PCDH15: variants seen among roughly 807,000 people sequenced by gnomAD.
PCDH15 encodes protocadherin-15.
PCDH15 carries 129 observed loss-of-function variants against 178.5 expected under a neutral mutation model. The observed-to-expected ratio is 0.72, with a 90% CI of 0.63 to 0.84. PCDH15 has a LOEUF of 0.84. Among genes scored for constraint, PCDH15 ranks in the 40% least tolerant of loss-of-function variants. The pLI is 0.00. For missense variants in PCDH15, 2,230 were observed against 2,099.9 expected, an observed-to-expected ratio of 1.06 and a Z score of -1.21; for synonymous variants, 800 against 732.0, an observed-to-expected ratio of 1.09 and a Z score of -1.50.
chr10:54,483,459 A>G (rs999687180), intron 3 of PCDH15, among the ~76,000 whole-genome samples: 3 of 151,852 alleles, frequency 2.0e-5, no homozygotes, highest in Non-Finnish European at 4.4e-5. Flanking sequence ...TTTTCATTTT[A>G]GGAATCTTCC....
intron 1 of PCDH15, among the ~76,000 whole-genome samples, chr10:55,287,591 G>A (rs1258978013): frequency 6.6e-6 from 1 of 151,942 alleles, no homozygotes; most frequent in East Asian, 1.9e-4. Flanking sequence ...AGTAAGCTTT[G>A]AGCACTATGC....
intron 2 of PCDH15, among the ~76,000 whole-genome samples, chr10:55,084,331 G>A (rs74971356): frequency 0.019 from 2,889 of 151,616 alleles, 108 homozygotes; most frequent in African/African-American, 0.065. Context: ...GGAGAGAACA[G>A]TCTCTTCAAA....
intron 2 of PCDH15, among the ~76,000 whole-genome samples, chr10:54,584,338 G>A (rs933376158): frequency 1.3e-5 from 2 of 152,070 alleles, no homozygotes; most frequent in African/African-American, 4.8e-5. Flanking sequence ...AGTCTGCAAG[G>A]CTGCAGTGAG....
At chr10:55,356,681 G>A (rs1454019567) in intron 2 of PCDH15, among the ~76,000 whole-genome samples, 5 of 151,776 alleles carry the variant, frequency 3.3e-5, no homozygotes, top group Non-Finnish European at 5.9e-5. Flanking sequence ...TATCTGGAAT[G>A]ATACTAAATA....
intron 2 of PCDH15, among the ~76,000 whole-genome samples, chr10:55,324,901 A>T (rs986136933): frequency 2.0e-5 from 3 of 152,206 alleles, no homozygotes; most frequent in African/African-American, 4.8e-5. Flanking sequence ...ATGTGCAAAA[A>T]TTAGCAGCAT....
chr10:54,255,007 T>C (rs1289273575), intron 8 of PCDH15, among the ~76,000 whole-genome samples: 2 of 152,224 alleles, frequency 1.3e-5, no homozygotes, highest in Non-Finnish European at 2.9e-5. Flanking sequence ...TTTAAAAGTG[T>C]AGGTACCATC....
chr10:53,952,588 G>A (rs1184399942), intron 23 of PCDH15, among the ~76,000 whole-genome samples: 1 of 152,202 alleles, frequency 6.6e-6, no homozygotes. Context: ...CTCCAGTCCA[G>A]GGAACTGGCA....
chr10:54,793,584 A>G (rs565688544), intron 1 of PCDH15, among the ~76,000 whole-genome samples: 1 of 151,614 alleles, frequency 6.6e-6, no homozygotes, highest in South Asian at 2.1e-4. Context: ...AGAAAAATAA[A>G]AAATTAGAAA....
At chr10:55,053,618 GTTTGAA>G (rs1366518271) in intron 2 of PCDH15, among the ~76,000 whole-genome samples, 2 of 152,136 alleles carry the variant, frequency 1.3e-5, no homozygotes, top group Non-Finnish European at 2.9e-5. Context: ...GCTTTGTATT[GTTTGAA>G]TTTGAATTCT....
intron 2 of PCDH15, among the ~76,000 whole-genome samples, chr10:55,519,884 A>C (rs1008858434): frequency 1.1e-4 from 17 of 151,386 alleles, no homozygotes; most frequent in Middle Eastern, 3.4e-3. Flanking sequence ...GTAATGCAAC[A>C]TGAAAATGTT....
At chr10:54,480,701 G>A (rs2078655513) in intron 3 of PCDH15, among the ~76,000 whole-genome samples, 1 of 151,878 alleles carries the variant, frequency 6.6e-6, no homozygotes, top group South Asian at 2.1e-4. Flanking sequence ...CAAAGCCAAG[G>A]ACTGGAATTT....
chr10:55,258,758 CTTTT>C (rs11398382), intron 1 of PCDH15, among the ~76,000 whole-genome samples: 2 of 108,156 alleles, frequency 1.8e-5, no homozygotes. Flanking sequence ...TGTTTGTCTG[CTTTT>C]TTTTTTTTTT....
intron 3 of PCDH15, among the ~76,000 whole-genome samples, chr10:54,406,706 T>C (rs2135556075): frequency 6.6e-6 from 1 of 152,136 alleles, no homozygotes; most frequent in Non-Finnish European, 1.5e-5. Flanking sequence ...TGGGTATCCA[T>C]ATGAAAAACA....
rs2460274 is a variant in PCDH15, at chr10:55,233,311, G to A, written c.-155-66660C>T. Among the ~76,000 whole-genome samples the A allele has an allele frequency of 4.4e-4, 67 of 152,046 alleles. 1 individual carries two copies. The East Asian group carries it at 0.013, about 28-fold the overall frequency. ...CTTTTACTTTCAGTTTTGTTTAACC[G>A]TGGAAAACACTTTTCGGTGTATGTT... On this transcript the variant is annotated intron_variant, in intron 1 of 5. Transcript: ENST00000458638.
chr10:53,808,391 C>A, intron 37 of PCDH15: 1 of 1,036,750 alleles, frequency 9.6e-7, no homozygotes, highest in Non-Finnish European at 1.2e-6. Flanking sequence ...ACTGATAATA[C>A]ATAATGCCAC....
chr10:54,402,454 G>T (rs1952050671), intron 3 of PCDH15, among the ~76,000 whole-genome samples: 1 of 151,810 alleles, frequency 6.6e-6, no homozygotes, highest in Non-Finnish European at 1.5e-5. Context: ...ATTAAATACA[G>T]ATAGGCCACC....
intron 2 of PCDH15, among the ~76,000 whole-genome samples, chr10:55,131,735 C>G (rs1190057486): frequency 6.6e-6 from 1 of 152,088 alleles, no homozygotes; most frequent in Non-Finnish European, 1.5e-5. Context: ...GCAGGCAGGT[C>G]ATTCCATCAT....
intron 25 of PCDH15, among the ~76,000 whole-genome samples, chr10:53,935,684 G>C (rs758877828): frequency 6.6e-6 from 1 of 152,096 alleles, no homozygotes; most frequent in Non-Finnish European, 1.5e-5. Context: ...TGTCATCTCA[G>C]TATTCCCATT....
intron 8 of PCDH15, among the ~76,000 whole-genome samples, chr10:54,272,969 G>T (rs1055441847): frequency 4.6e-5 from 7 of 152,086 alleles, no homozygotes; most frequent in Non-Finnish European, 1.0e-4. Context: ...GATTATCAGA[G>T]TATAATGTGG....
Sources: gnomAD v4.1 joint callset for allele counts (sites outside exome capture counted in the v4.1 genomes callset) on GRCh38, gnomAD v4.1.1 for gene constraint, MANE v1.5 for transcripts, NCBI Gene and HGNC (gene_info 2026-07-23, HGNC 2026-07-21) for gene names.